IQCK: variants seen among roughly 807,000 people sequenced by gnomAD.
The protein encoded by IQCK is IQ domain-containing protein K.
IQCK carries 29 observed loss-of-function variants against 28.1 expected under a neutral mutation model. The ratio of observed to expected loss-of-function variants is 1.03; its 90% CI spans 0.77 to 1.41. The LOEUF (loss-of-function observed/expected upper bound fraction) is 1.41. Ranked by LOEUF, IQCK falls within the 40% of genes most tolerant of loss-of-function variation. The pLI is 0.00. For synonymous variants in IQCK, 113 were observed against 115.1 expected (o/e 0.98, Z 0.12); for missense variants, 359 against 314.7 (o/e 1.14, Z -1.07).
chr16:19,742,652 AT>A (rs1302745687), intron 4 of IQCK, among the ~76,000 whole-genome samples: 3 of 152,352 alleles, frequency 2.0e-5, no homozygotes, highest in Middle Eastern at 3.4e-3. Flanking sequence ...TTCATTGTTT[AT>A]TGATGCCATT....
intron 1 of IQCK, among the ~76,000 whole-genome samples, chr16:19,726,338 A>G (rs140859824): frequency 6.6e-6 from 1 of 152,208 alleles, no homozygotes; most frequent in Non-Finnish European, 1.5e-5. Context: ...AAGATTGATT[A>G]TACTCTAGAG....
chr16:19,722,937 C>T (rs1597492009), intron 1 of IQCK, among the ~76,000 whole-genome samples: 1 of 152,254 alleles, frequency 6.6e-6, no homozygotes, highest in Non-Finnish European at 1.5e-5. Context: ...GTGTCGAACT[C>T]CTGACCTTAG....
chr16:19,758,313 A>G (rs1242681386), intron 4 of IQCK, among the ~76,000 whole-genome samples: 3 of 152,246 alleles, frequency 2.0e-5, no homozygotes, highest in African/African-American at 4.8e-5. Context: ...ATGTCTGGGT[A>G]TGCACAGCAC....
At chr16:19,793,643 GTTTTTTTTTTTTTTTT>G (rs1285541664) in intron 7 of IQCK, among the ~76,000 whole-genome samples, 3 of 61,798 alleles carry the variant, frequency 4.9e-5, no homozygotes, top group African/African-American at 1.6e-4. Context: ...TCTCAGTTGG[GTTTTTTTTTTTTTTTT>G]TTTTTTTTTT....
chr16:19,809,951 A>C (rs937984063), intron 7 of IQCK, among the ~76,000 whole-genome samples: 1 of 152,174 alleles, frequency 6.6e-6, no homozygotes, highest in African/African-American at 2.4e-5. Flanking sequence ...GTGGTGCTCA[A>C]CCTTGACTGT....
chr16:19,751,433 A>G (rs2054985435), intron 4 of IQCK, among the ~76,000 whole-genome samples: 1 of 152,108 alleles, frequency 6.6e-6, no homozygotes, highest in African/African-American at 2.4e-5. Flanking sequence ...AGCTATGATC[A>G]CACCACTGCA....
intron 1 of IQCK, among the ~76,000 whole-genome samples, chr16:19,723,941 C>CTT (rs1977574415): frequency 6.7e-6 from 1 of 149,020 alleles, no homozygotes; most frequent in Admixed American, 6.7e-5. Flanking sequence ...GCCTGGGTGA[C>CTT]AGAGTGAGAC....
At chr16:19,819,769 T>G (rs758352825) in intron 7 of IQCK, 1 of 152,158 alleles carries the variant, frequency 6.6e-6, no homozygotes, top group Non-Finnish European at 1.5e-5. Context: ...ATCCCAGCAC[T>G]TTGGGAGGCC....
At chr16:19,720,853 CTAAAAATA>C (rs1442703988) in intron 1 of IQCK, among the ~76,000 whole-genome samples, 1 of 152,090 alleles carries the variant, frequency 6.6e-6, no homozygotes, top group Non-Finnish European at 1.5e-5. Flanking sequence ...CCTGTCTCTA[CTAAAAATA>C]TAAAAACTAA....
chr16:19,846,166 G>T (rs2056413564), intron 9 of IQCK, among the ~76,000 whole-genome samples: 1 of 152,190 alleles, frequency 6.6e-6, no homozygotes, highest in South Asian at 2.1e-4. Context: ...CAAAAGGAAA[G>T]TCTTCCTATC....
At chr16:19,812,122 G>T (rs551583468) in intron 7 of IQCK, among the ~76,000 whole-genome samples, 4 of 151,910 alleles carry the variant, frequency 2.6e-5, no homozygotes, top group African/African-American at 9.7e-5. Flanking sequence ...CCAGTGGCTG[G>T]GATTACAGGC....
chr16:19,783,384 T>C (rs1166861331), intron 6 of IQCK, among the ~76,000 whole-genome samples: 1 of 152,084 alleles, frequency 6.6e-6, no homozygotes, highest in Non-Finnish European at 1.5e-5. Flanking sequence ...AGTATAACAA[T>C]TCTCCTTGGA....
At chr16:19,829,397 C>T (rs74835009), downstream of IQCK, among the ~76,000 whole-genome samples, 13 of 151,152 alleles carry the variant, frequency 8.6e-5, no homozygotes, top group East Asian at 7.8e-4. Context: ...AGTGCAGTGG[C>T]GCAATCTCAG....
At chr16:19,778,254 AC>A (rs2151724255) in intron 6 of IQCK, among the ~76,000 whole-genome samples, 1 of 152,158 alleles carries the variant, frequency 6.6e-6, no homozygotes, top group East Asian at 1.9e-4. Context: ...TAACCTGGAG[AC>A]CCATTCCTTG....
intron 1 of IQCK, among the ~76,000 whole-genome samples, chr16:19,727,659 A>G (rs1358867016): frequency 1.3e-5 from 2 of 148,846 alleles, no homozygotes; most frequent in African/African-American, 4.9e-5. Flanking sequence ...TTGCAATAGG[A>G]TTAGGTGTGA....
chr16:19,846,248 A>G (rs2056414328), intron 9 of IQCK, among the ~76,000 whole-genome samples: 1 of 152,146 alleles, frequency 6.6e-6, no homozygotes, highest in Non-Finnish European at 1.5e-5. Flanking sequence ...CAGTTGGTAA[A>G]TGGTGGTAGG....
intron 7 of IQCK, among the ~76,000 whole-genome samples, chr16:19,813,248 A>C (rs2055931315): frequency 6.6e-6 from 1 of 152,256 alleles, no homozygotes; most frequent in Non-Finnish European, 1.5e-5. Context: ...GTCTAATAGG[A>C]ATTCCAGAGG....
chr16:19,828,238 T>C (rs2056177377), downstream of IQCK, among the ~76,000 whole-genome samples: 1 of 140,562 alleles, frequency 7.1e-6, no homozygotes, highest in African/African-American at 2.6e-5. Context: ...TTTCTTTTTT[T>C]TTTTTTTTTT....
At chr16:19,731,545 A>C (rs2151681082) in intron 2 of IQCK, among the ~76,000 whole-genome samples, 1 of 152,278 alleles carries the variant, frequency 6.6e-6, no homozygotes, top group South Asian at 2.1e-4. Flanking sequence ...TCTTCCCTGA[A>C]TTCTCTGTGC....
Sources: gnomAD v4.1 joint callset for allele counts (sites outside exome capture counted in the v4.1 genomes callset) on GRCh38, gnomAD v4.1.1 for gene constraint, MANE v1.5 for transcripts, NCBI Gene and HGNC (gene_info 2026-07-23, HGNC 2026-07-21) for gene names.